The following BRAF variants were observed in gnomAD, a reference collection of about 807,000 sequenced individuals.
The protein encoded by BRAF is B-Raf proto-oncogene, serine/threonine kinase, also known as serine/threonine-protein kinase B-raf.
A neutral mutation model predicts 104.6 loss-of-function variants in BRAF; 16 were observed. The observed-to-expected ratio is 0.15, with a 90% CI of 0.10 to 0.23. The LOEUF is 0.23. Ranked by LOEUF, BRAF falls within the 10% of genes least tolerant of loss-of-function variation. The probability of loss-of-function intolerance (pLI) is 1.00; values close to 1 mark genes in which losing one functional copy is unlikely to be tolerated. For missense variants in BRAF, 541 were observed against 937.3 expected (o/e 0.58, Z 5.52); for synonymous variants, 310 against 341.6 (o/e 0.91, Z 1.02).
At chr7:140,764,024 T>C (rs1042317531) in intron 14 of BRAF, among the ~76,000 whole-genome samples, 1 of 152,206 alleles carries the variant, frequency 6.6e-6, no homozygotes, top group East Asian at 1.9e-4. Context: ...ATATCCTTGA[T>C]GAACATTGAT....
At chr7:140,780,113 TA>T (rs150151603) in intron 12 of BRAF, among the ~76,000 whole-genome samples, 3,866 of 152,188 alleles carry the variant, frequency 0.025, 176 homozygotes, top group African/African-American at 0.087. Context: ...TTTGAAGGTA[TA>T]AAAAAATTCC....
intron 5 of BRAF, among the ~76,000 whole-genome samples, chr7:140,802,632 T>C (rs1043994978): frequency 6.6e-6 from 1 of 151,918 alleles, no homozygotes; most frequent in Admixed American, 6.6e-5. Context: ...GTTTAAAAAG[T>C]AAAAAAGAAA....
chr7:140,878,552 T>C (rs1021707905), intron 1 of BRAF, among the ~76,000 whole-genome samples: 1 of 148,664 alleles, frequency 6.7e-6, no homozygotes, highest in African/African-American at 2.6e-5. Flanking sequence ...AAGGATCTCA[T>C]GGAGGTAGAC....
intron 14 of BRAF, among the ~76,000 whole-genome samples, chr7:140,763,866 A>G (rs549828874): frequency 6.6e-6 from 1 of 152,310 alleles, no homozygotes; most frequent in South Asian, 2.1e-4. Context: ...TCTACCAGAG[A>G]TACAAGGAGG....
chr7:140,780,753 TCAC>T (rs1800792222), intron 12 of BRAF: 1 of 152,204 alleles, frequency 6.6e-6, no homozygotes, highest in African/African-American at 2.4e-5. Flanking sequence ...ATGTTCACTT[TCAC>T]TTTTCATTGA....
intron 1 of BRAF, among the ~76,000 whole-genome samples, chr7:140,877,299 G>GT (rs1051503975): frequency 1.8e-5 from 2 of 109,942 alleles, no homozygotes; most frequent in African/African-American, 6.6e-5. Flanking sequence ...GAGATGGGGG[G>GT]GGGGGTGGGT....
chr7:140,751,966 T>C (rs1797826275), intron 16 of BRAF, among the ~76,000 whole-genome samples: 2 of 152,178 alleles, frequency 1.3e-5, no homozygotes. Context: ...TTTCAAACTT[T>C]TTGGTCTCAG....
intron 1 of BRAF, among the ~76,000 whole-genome samples, chr7:140,897,027 T>A (rs553903828): frequency 6.6e-6 from 1 of 151,796 alleles, no homozygotes; most frequent in Non-Finnish European, 1.5e-5. Flanking sequence ...AAAATCCCAA[T>A]AGTACTTTTT....
At chr7:140,734,079 TAAAAAG>T (rs765958384) in intron 19 of BRAF, 3 of 1,034,726 alleles carry the variant, frequency 2.9e-6, no homozygotes, top group East Asian at 5.8e-5. Context: ...CAAATTGTTA[TAAAAAG>T]AAATAGTTAT....
rs936201772 is a variant in BRAF at position 140,871,174 on chromosome 7, G to A, written c.139-20962C>T. On this transcript the variant is annotated intron_variant, in intron 1 of 19. Coordinates refer to ENST00000644969, the MANE Select transcript of BRAF (RefSeq NM_001374258.1). ...GGAGAATGGCGTGAATCCGGGAGGCGGAGCTTGCAGTGAGCCGAGATCGCG... is the reference window on the plus strand; with the variant it reads ...GGAGAATGGCGTGAATCCGGGAGGCAGAGCTTGCAGTGAGCCGAGATCGCG... Among the ~76,000 whole-genome samples the A allele has an allele frequency of 3.4e-5, 5 of 145,110 alleles. No individual in the cohort carries two copies. The East Asian group carries it at 9.7e-4, about 28-fold the overall frequency.
chr7:140,892,352 A>G (rs2159474), intron 1 of BRAF, among the ~76,000 whole-genome samples: 12,827 of 152,236 alleles, frequency 0.084, 1,710 homozygotes, highest in African/African-American at 0.29. Flanking sequence ...CCAAAAGGGG[A>G]GCTATATAAT....
chr7:140,783,757 A>C (rs545981841), intron 10 of BRAF, among the ~76,000 whole-genome samples: 1 of 152,330 alleles, frequency 6.6e-6, no homozygotes, highest in African/African-American at 2.4e-5. Flanking sequence ...TACATTATTA[A>C]ACAAAGATTA....
chr7:140,809,063 A>G (rs1050971720), intron 3 of BRAF, 68 bp from the exon 4 acceptor site: 9 of 1,298,144 alleles, frequency 6.9e-6, no homozygotes, highest in Non-Finnish European at 9.9e-6. Flanking sequence ...ATCATTAAAA[A>G]AATTTAGTAA....
chr7:140,837,542 T>C (rs1807476394), intron 2 of BRAF, among the ~76,000 whole-genome samples: 1 of 152,226 alleles, frequency 6.6e-6, no homozygotes, highest in African/African-American at 2.4e-5. Context: ...GCTTGCCAGA[T>C]ACAAATTTTG....
Position 140,723,174 on chromosome 7 carries a change from G to A in BRAF, c.*3320C>T. 1 of 1,053,850 alleles carries A rather than the reference G, an allele frequency of 9.5e-7. No homozygotes were observed. Among genetic ancestry groups the A allele is most frequent in the Non-Finnish European group, 1.1e-6 (1 of 872,306 alleles). 65.3% of individuals were successfully genotyped at this position (1,053,850 alleles called of 1,614,324 possible). On this transcript the variant is annotated 3_prime_UTR_variant, in exon 20 of 20. Coordinates refer to ENST00000644969, the MANE Select transcript of BRAF (RefSeq NM_001374258.1). ...AGCAGCTGGCGGGTGGATGTACAGT[G>A]GGGACAGGTGAGATCTGAGGAGGAT...
At position 140,924,624 on chromosome 7, in the gene BRAF, G is replaced by C. The variant is rs1206505128; in HGVS notation, c.80C>G (p.Ala27Gly). The C allele has an allele frequency of 7.9e-6, 12 of 1,520,872 alleles. No homozygotes were observed. Among genetic ancestry groups the C allele is most frequent in the African/African-American group, 4.2e-5 (3 of 72,160 alleles). The allele number at this position is 1,520,872 out of a possible 1,614,324, so 94.2% of individuals were successfully genotyped here. ...GGCCGCGGCGCCGGCGCCGGCGCCG[G>C]CCTCGGGCTCCATGTCCCCGTTGAA... ...ALFNGDMEPE[A>G]GAGAGAAASS... Residue 27 changes from alanine to glycine, a missense_variant, in exon 1 of 20, where the codon GCC becomes GGC. Coordinates refer to ENST00000644969, the MANE Select transcript of BRAF (RefSeq NM_001374258.1). The surrounding 1 kb of genome is among the most constrained non-coding windows in gnomAD (Gnocchi z 4.2).
rs200637113 is a variant in BRAF at position 140,762,454 on chromosome 7, C to T, written c.1815-8221G>A. Among the ~76,000 whole-genome samples the T allele has an allele frequency of 9.9e-5, 15 of 152,102 alleles. No homozygotes were observed. In the East Asian group the frequency reaches 2.9e-3, roughly 29 times the overall value. On this transcript the variant is annotated intron_variant, in intron 14 of 19. Transcript: ENST00000644969. ...AGAAAGCAGGAAAGATCCAAAATTG[C>T]CACCCTAACATCACAATTAAAAGAA...
At chr7:140,784,924 G>C (rs931576680) in intron 10 of BRAF, among the ~76,000 whole-genome samples, 5 of 152,162 alleles carry the variant, frequency 3.3e-5, no homozygotes, top group Admixed American at 1.3e-4. Context: ...TGGGATTACA[G>C]GCGTGAGCCA....
At chr7:140,799,840 A>G (rs756168826) in intron 7 of BRAF, 2 of 246,062 alleles carry the variant, frequency 8.1e-6, no homozygotes, top group African/African-American at 2.2e-5. Context: ...ATGCTTCTTC[A>G]TAAGTGGAAG....
Sources: allele counts gnomAD v4.1 joint callset (sites outside exome capture counted in the v4.1 genomes callset), GRCh38; gene constraint gnomAD v4.1.1; non-coding constraint Gnocchi (gnomAD v3.1); transcripts MANE v1.5; gene names NCBI Gene and HGNC (gene_info 2026-07-23, HGNC 2026-07-21).